Variants in DNAH9 observed in about 807,000 individuals in gnomAD.
DNAH9 encodes the protein DNAH9 variant protein.
DNAH9 carries 345 observed loss-of-function variants against 471.6 expected under a neutral mutation model. The ratio of observed to expected loss-of-function variants is 0.73; its 90% CI spans 0.67 to 0.80. The LOEUF (loss-of-function observed/expected upper bound fraction) is 0.80, where lower values mean the gene tolerates loss of function less well. Among genes scored for constraint, DNAH9 ranks in the 30% least tolerant of loss-of-function variants. The pLI, the probability that DNAH9 is intolerant of heterozygous loss-of-function variation, is 0.00. For missense variants in DNAH9, 5,407 were observed against 5,609.2 expected (o/e 0.96, Z 1.15); for synonymous variants, 2,093 against 2,123.6 (o/e 0.99, Z 0.40).
Position 11,923,881 on chromosome 17 carries a change from A to C in DNAH9, c.11817A>C (p.Glu3939Asp). 1.2e-6 allele frequency: 2 copies of C among 1,614,128 alleles called. No homozygotes were observed. The highest frequency in any genetic ancestry group is 1.7e-6 in the Non-Finnish European group (2 of 1,180,006). ...ACGTGTCTTTGGGGCAAGGACAGGA[A>C]GTGGTGGCTGAGGCTGCGCTGGACC... is the stretch of plus-strand genomic sequence containing the variant. Reference protein sequence around the residue: ...FHNVSLGQGQEVVAEAALDLA... With the variant: ...FHNVSLGQGQDVVAEAALDLA... The change falls in exon 62 of 69, where the codon GAA (glutamate) becomes GAC (aspartate). Residue 3939 changes from glutamate to aspartate, a missense_variant. Transcript: ENST00000262442.
At chr17:11,807,916 G>T in intron 44 of DNAH9, 22 bp downstream of exon 44, 1 of 1,586,578 alleles carries the variant, frequency 6.3e-7, no homozygotes. Flanking sequence ...GGCAGCTGCA[G>T]GGAGGAGGCT....
intron 49 of DNAH9, among the ~76,000 whole-genome samples, chr17:11,841,541 A>G (rs757952392): frequency 6.6e-6 from 1 of 152,194 alleles, no homozygotes; most frequent in Non-Finnish European, 1.5e-5. Flanking sequence ...TAATATAAAC[A>G]TAGGGCAGAG....
intron 38 of DNAH9, among the ~76,000 whole-genome samples, chr17:11,770,213 C>T (rs961869539): frequency 6.6e-6 from 1 of 152,172 alleles, no homozygotes; most frequent in African/African-American, 2.4e-5. Context: ...GCTACATCAC[C>T]CAGGCCTTAG....
intron 28 of DNAH9, among the ~76,000 whole-genome samples, chr17:11,733,860 C>CAAAAAAAAA (rs57515310): frequency 3.5e-5 from 4 of 113,136 alleles, no homozygotes; most frequent in South Asian, 2.9e-4. Context: ...GACTCCATCT[C>CAAAAAAAAA]AAAAAAAAAA....
At chr17:11,963,364 G>A (rs1976400530) in intron 68 of DNAH9, among the ~76,000 whole-genome samples, 1 of 151,894 alleles carries the variant, frequency 6.6e-6, no homozygotes, top group East Asian at 1.9e-4. Flanking sequence ...AACCCGGGAG[G>A]TGGAGGTTGC....
In DNAH9 at chr17:11,947,772, A is replaced by AATTTTTTTTTTTTTTTTTTT. The variant is rs1555528615; in HGVS notation, c.12843+5287_12843+5288insATTTTTTTTTTTTTTTTTTT. ...CAGAATCTGGGAGGGGCTGGGAACTATTTTTTTTTTTTTTTTTTTTTTTTT... is the reference window on the plus strand; with the variant it reads ...CAGAATCTGGGAGGGGCTGGGAACTAATTTTTTTTTTTTTTTTTTTTTTTTTTTTTTTTTTTTTTTTTTTT... On this transcript the variant is annotated intron_variant, in intron 67 of 68. Coordinates refer to ENST00000262442, the MANE Select transcript of DNAH9 (RefSeq NM_001372.4). Among the ~76,000 whole-genome samples the AATTTTTTTTTTTTTTTTTTT allele has an allele frequency of 5.5e-5, 6 of 108,344 alleles. 3 individuals carry two copies. The highest frequency in any genetic ancestry group is 7.1e-5 in the Non-Finnish European group (4 of 56,146). The allele number at this position is 108,344 out of a possible 152,430, so 71.1% of individuals were successfully genotyped here.
At chr17:11,866,793 C>T (rs927844396) in intron 50 of DNAH9, among the ~76,000 whole-genome samples, 4 of 152,178 alleles carry the variant, frequency 2.6e-5, no homozygotes, top group Non-Finnish European at 2.9e-5. Context: ...TAGCAATCAG[C>T]GAGATTCTGT....
At chr17:11,732,642 A>G (rs942163057) in intron 28 of DNAH9, among the ~76,000 whole-genome samples, 1 of 42,594 alleles carries the variant, frequency 2.3e-5, no homozygotes, top group Admixed American at 3.9e-4. Flanking sequence ...CAGTGTGTCA[A>G]TTCCAAAAAA....
At position 11,757,532 on chromosome 17, in the gene DNAH9, T is replaced by G; in HGVS notation, c.6848-13T>G. On this transcript the variant is annotated splice_polypyrimidine_tract_variant and intron_variant, in intron 34 of 68. Coordinates refer to ENST00000262442, the MANE Select transcript of DNAH9 (RefSeq NM_001372.4). Reference sequence around the variant, plus strand: ...ATGGAATATTCACTAAACTGTATTCTCTGTGCTCACAGGGATCTTGTACAT... The same window carrying G: ...ATGGAATATTCACTAAACTGTATTCGCTGTGCTCACAGGGATCTTGTACAT... 1.2e-6 allele frequency: 2 copies of G among 1,608,678 alleles called. No homozygotes were observed. The highest frequency in any genetic ancestry group is 1.7e-6 in the Non-Finnish European group (2 of 1,175,510).
chr17:11,878,023 C>T (rs60708301), intron 53 of DNAH9, among the ~76,000 whole-genome samples: 1 of 152,048 alleles, frequency 6.6e-6, no homozygotes, highest in Non-Finnish European at 1.5e-5. Context: ...CATGAACCAC[C>T]GCGCCCGGCC....
chr17:11,921,615 A>C (rs1974140828), intron 61 of DNAH9, among the ~76,000 whole-genome samples: 1 of 152,204 alleles, frequency 6.6e-6, no homozygotes, highest in Non-Finnish European at 1.5e-5. Flanking sequence ...AAGCCATCTG[A>C]GAGCCTCACA....
At chr17:11,736,988 C>A (rs1468344349) in intron 28 of DNAH9, among the ~76,000 whole-genome samples, 1 of 152,190 alleles carries the variant, frequency 6.6e-6, no homozygotes, top group African/African-American at 2.4e-5. Context: ...AGAGAACCAG[C>A]CTTTGCCAGT....
At chr17:11,893,987 A>G (rs554006033) in intron 58 of DNAH9, among the ~76,000 whole-genome samples, 1 of 152,276 alleles carries the variant, frequency 6.6e-6, no homozygotes, top group East Asian at 1.9e-4. Context: ...ATGGCTTCCT[A>G]TCTGCATTTC....
intron 45 of DNAH9, among the ~76,000 whole-genome samples, chr17:11,814,837 G>A (rs1186671510): frequency 1.3e-5 from 2 of 152,162 alleles, no homozygotes; most frequent in African/African-American, 2.4e-5. Context: ...TGCAGAGCCC[G>A]GAAGTGTTTA....
At chr17:11,757,472 AATAACTCCCTGGGGTGAAAAAT>A (rs1967446878) in intron 34 of DNAH9, 51 bp from the exon 35 acceptor site, 2 of 1,374,156 alleles carry the variant, frequency 1.5e-6, no homozygotes, top group Middle Eastern at 1.9e-4. Flanking sequence ...AAACAGAGAA[AATAACTCCCTGGGGTGAAAAAT>A]ATAATGATGT....
chr17:11,832,949 C>T (rs1223885236), intron 48 of DNAH9, among the ~76,000 whole-genome samples: 1 of 152,218 alleles, frequency 6.6e-6, no homozygotes, highest in African/African-American at 2.4e-5. Context: ...GCCAGTGACT[C>T]TCAAACTTAG....
intron 10 of DNAH9, among the ~76,000 whole-genome samples, chr17:11,643,974 C>G (rs1039692807): frequency 6.6e-6 from 1 of 152,134 alleles, no homozygotes; most frequent in Non-Finnish European, 1.5e-5. Context: ...GGACACTTAC[C>G]ATGAATGGAG....
At chr17:11,784,681 TAC>T in intron 41 of DNAH9, 142 bp downstream of exon 41, 1 of 1,214,260 alleles carries the variant, frequency 8.2e-7, no homozygotes, top group Admixed American at 2.0e-5. Flanking sequence ...CATAAGCAGG[TAC>T]ACACAGTGCC....
intron 17 of DNAH9, among the ~76,000 whole-genome samples, chr17:11,671,718 T>C (rs1358685085): frequency 3.3e-5 from 5 of 152,208 alleles, no homozygotes; most frequent in Non-Finnish European, 7.3e-5. Flanking sequence ...GAAGTCCCTC[T>C]AGAGTTTCTA....
Sources: gnomAD v4.1 joint callset for allele counts (sites outside exome capture counted in the v4.1 genomes callset) on GRCh38, gnomAD v4.1.1 for gene constraint, MANE v1.5 for transcripts, NCBI Gene and HGNC (gene_info 2026-07-23, HGNC 2026-07-21) for gene names.